Variants in SIT1 observed in about 807,000 individuals in gnomAD.
The protein encoded by SIT1 is signaling threshold regulating transmembrane adaptor 1.
In SIT1, 19 loss-of-function variants were observed where a neutral mutation model predicts 23.5. The ratio of observed to expected loss-of-function variants is 0.81; its 90% confidence interval spans 0.56 to 1.19. SIT1 has a LOEUF of 1.19. Among genes scored for constraint, SIT1 ranks in the 50% most tolerant of loss-of-function variants. SIT1 has a pLI of 0.00. For missense variants in SIT1, 213 were observed against 254.9 expected (o/e 0.84, Z 1.12); for synonymous variants, 114 against 109.1 (o/e 1.04, Z -0.28).
In SIT1 at chr9:35,649,771, T is replaced by A; in HGVS notation, c.*77A>T. The A allele has an allele frequency of 9.0e-7, 1 of 1,114,048 alleles. No individual in the cohort carries two copies. 69.0% of individuals were successfully genotyped at this position (1,114,048 alleles called of 1,614,324 possible). On this transcript the variant is annotated 3_prime_UTR_variant, in exon 5 of 5. Transcript: ENST00000259608. ...CTTGGCAATGGCGCCCGTCTTTGGGTGCTGGTTGGGAAACAGTCATGCCCC... is the reference window on the plus strand; with the variant it reads ...CTTGGCAATGGCGCCCGTCTTTGGGAGCTGGTTGGGAAACAGTCATGCCCC...
At position 35,649,539 on chromosome 9, in the gene SIT1, A is replaced by C. The variant is rs1465812875; in HGVS notation, c.*309T>G. 3.7e-6 allele frequency: 1 copy of C among 269,488 alleles called. No homozygotes were observed. Among genetic ancestry groups the C allele is most frequent in the Admixed American group, 5.2e-5 (1 of 19,404 alleles). 16.7% of individuals were successfully genotyped at this position (269,488 alleles called of 1,614,324 possible). A position where few individuals can be genotyped will look rare whatever the true frequency, so the allele number is the denominator to read the frequency against. On this transcript the variant is annotated 3_prime_UTR_variant, in exon 5 of 5. Transcript: ENST00000259608. ...AGGAGACACTGAGGCGTGGGGGTAG[A>C]CTATGAGGGAGCGGGGGTGGGGAGG...
chr9:35,650,156 C>G lies in SIT1; in HGVS notation c.357+28G>C. 6.2e-7 allele frequency: 1 copy of G among 1,613,772 alleles called. No individual in the cohort carries two copies. The highest frequency in any genetic ancestry group is 1.3e-5 in the African/African-American group (1 of 75,018). ...AAAAGCCCCCCACTTCCTTCCCTCC[C>G]CCTTTTCTCCAGCCACAGTTGACTC... On this transcript the variant is annotated intron_variant, in intron 4 of 4. Coordinates refer to ENST00000259608, the MANE Select transcript of SIT1 (RefSeq NM_014450.3). This position sits in a 1 kb window ranked among gnomAD's most constrained non-coding sequence, Gnocchi z 4.8.
rs368426186 is a variant in SIT1, at chr9:35,649,933, T to C, written c.506A>G (p.Tyr169Cys). Residue 169 changes from tyrosine to cysteine, a missense_variant, in exon 5 of 5, where the codon TAT (tyrosine) becomes TGT (cysteine). Physicochemically the swap from Tyr to Cys is radical, Grantham distance 194. Coordinates refer to ENST00000259608, the MANE Select transcript of SIT1 (RefSeq NM_014450.3). ...GCGGGTCTGGGCACATACTGAGGCA[T>C]AGAGCTCCGGCTCGGGGCCCGAGGC... ...SQASGPEPEL[Y>C]ASVCAQTRRA... 14 of 1,585,938 alleles carry C rather than the reference T, an allele frequency of 8.8e-6. No homozygotes were observed. The highest frequency in any genetic ancestry group is 1.3e-5 in the African/African-American group (1 of 74,676).
rs1183219665 is a variant in SIT1 at position 35,650,702 on chromosome 9, A to C, written c.100+52T>G. ...CCACCCCCAGGGCCCAGCAGGTGGG[A>C]CCTGGGGCCACATGACCCCTCCCCC... On this transcript the variant is annotated intron_variant, in intron 1 of 4. Transcript: ENST00000259608. This position sits in a 1 kb window ranked among gnomAD's most constrained non-coding sequence, Gnocchi z 4.8. The C allele has an allele frequency of 1.2e-6, 2 of 1,603,878 alleles. No individual in the cohort carries two copies. Among genetic ancestry groups the C allele is most frequent in the Non-Finnish European group, 1.7e-6 (2 of 1,172,312 alleles).
In SIT1 at chr9:35,649,859, C is replaced by A. The variant is rs1236498150; in HGVS notation, c.580G>T (p.Ala194Ser). ...CCAGGCCCTCCATCTCAGCTGGCTG[C>A]AGGCTGGCTGTTGGCATAGGCCTGA... ...PDQAYANSQPAAS is the reference protein window; with the variant it reads ...PDQAYANSQPSAS The change falls in exon 5 of 5, where the codon GCA becomes TCA. Residue 194 changes from alanine to serine, a missense_variant. Physicochemically the swap from Ala to Ser is moderately conservative, Grantham distance 99 (BLOSUM62 1). Coordinates refer to ENST00000259608, the MANE Select transcript of SIT1 (RefSeq NM_014450.3). 6.5e-7 allele frequency: 1 copy of A among 1,543,222 alleles called. No individual in the cohort carries two copies. Among genetic ancestry groups the A allele is most frequent in the Non-Finnish European group, 8.8e-7 (1 of 1,139,450 alleles).
chr9:35,650,333 C>A lies in SIT1; in HGVS notation c.295+24G>T, dbSNP rs775279925. 2.7e-5 allele frequency: 43 copies of A among 1,613,732 alleles called. No individual in the cohort carries two copies. Among genetic ancestry groups the A allele is most frequent in the Non-Finnish European group, 3.5e-5 (41 of 1,179,804 alleles). On this transcript the variant is annotated intron_variant, in intron 3 of 4. Transcript: ENST00000259608. The surrounding 1 kb of genome is among the most constrained non-coding windows in gnomAD (Gnocchi z 4.8). ...GCCACCCAGGACCTGGCCTCTGTGC[C>A]CCTCCTCTCTGCCAGCTCCCTACCT...
chr9:35,649,528 C>T lies in SIT1; in HGVS notation c.*320G>A, dbSNP rs1823438713. ...TCCTGTGCCTGAGGAGACACTGAGGCGTGGGGGTAGACTATGAGGGAGCGG... is the reference window on the plus strand; with the variant it reads ...TCCTGTGCCTGAGGAGACACTGAGGTGTGGGGGTAGACTATGAGGGAGCGG... On this transcript the variant is annotated 3_prime_UTR_variant, in exon 5 of 5. Transcript: ENST00000259608. 2 of 241,718 alleles carry T rather than the reference C, an allele frequency of 8.3e-6. No individual in the cohort carries two copies. Among genetic ancestry groups the T allele is most frequent in the Non-Finnish European group, 1.6e-5 (2 of 125,938 alleles). The allele number at this position is 241,718 out of a possible 1,614,324, so 15.0% of individuals were successfully genotyped here. A position where few individuals can be genotyped will look rare whatever the true frequency, so the allele number is the denominator to read the frequency against.
At position 35,650,304 on chromosome 9, in the gene SIT1, C is replaced by G. The variant is rs1371569726; in HGVS notation, c.295+53G>C. 8 of 1,611,992 alleles carry G rather than the reference C, an allele frequency of 5.0e-6. No homozygotes were observed. The highest frequency in any genetic ancestry group is 6.8e-6 in the Non-Finnish European group (8 of 1,178,436). On this transcript the variant is annotated intron_variant, in intron 3 of 4. Transcript: ENST00000259608. This position sits in a 1 kb window ranked among gnomAD's most constrained non-coding sequence, Gnocchi z 4.8. Reference sequence around the variant, plus strand: ...TGTCCTTCCTCCTGCACGCCCCCATCCCAGCCACCCAGGACCTGGCCTCTG... The same window carrying G: ...TGTCCTTCCTCCTGCACGCCCCCATGCCAGCCACCCAGGACCTGGCCTCTG...
At position 35,649,474 on chromosome 9, in the gene SIT1, A is replaced by T. The variant is rs1447788732; in HGVS notation, c.*374T>A. On this transcript the variant is annotated 3_prime_UTR_variant, in exon 5 of 5. Coordinates refer to ENST00000259608, the MANE Select transcript of SIT1 (RefSeq NM_014450.3). ...GGAATATACCCACCCACCCACTGTC[A>T]GGCCCTTACCCCTCCCCCACCGCCC... 2 of 184,548 alleles carry T rather than the reference A, an allele frequency of 1.1e-5. No homozygotes were observed. The highest frequency in any genetic ancestry group is 4.7e-5 in the African/African-American group (2 of 42,462). 11.4% of individuals were successfully genotyped at this position (184,548 alleles called of 1,614,324 possible).
In SIT1 at chr9:35,650,351, C is replaced by T. The variant is rs1322063311; in HGVS notation, c.295+6G>A. On this transcript the variant is annotated splice_donor_region_variant and intron_variant, in intron 3 of 4. Coordinates refer to ENST00000259608, the MANE Select transcript of SIT1 (RefSeq NM_014450.3). This position sits in a 1 kb window ranked among gnomAD's most constrained non-coding sequence, Gnocchi z 4.8. ...TCTGTGCCCCTCCTCTCTGCCAGCTCCCTACCTGTCTGTAGATAATGCAGG... is the reference window on the plus strand; with the variant it reads ...TCTGTGCCCCTCCTCTCTGCCAGCTTCCTACCTGTCTGTAGATAATGCAGG... 1 of 1,614,008 alleles carries T rather than the reference C, an allele frequency of 6.2e-7. No homozygotes were observed. The highest frequency in any genetic ancestry group is 8.5e-7 in the Non-Finnish European group (1 of 1,179,996).
chr9:35,649,591 G>A lies in SIT1; in HGVS notation c.*257C>T. 5.0e-6 allele frequency: 2 copies of A among 397,844 alleles called. No individual in the cohort carries two copies. The highest frequency in any genetic ancestry group is 4.5e-6 in the Non-Finnish European group (1 of 222,632). 24.6% of individuals were successfully genotyped at this position (397,844 alleles called of 1,614,324 possible). The stretch of plus-strand genomic sequence containing the variant: ...TCTGGTTAAACTCCAGAAGAAGGAA[G>A]TGAGAACCTGGGAGTTTGGGGGCTA... On this transcript the variant is annotated 3_prime_UTR_variant, in exon 5 of 5. Transcript: ENST00000259608.
chr9:35,650,332 C>G lies in SIT1; in HGVS notation c.295+25G>C. 1 of 1,613,588 alleles carries G rather than the reference C, an allele frequency of 6.2e-7. No homozygotes were observed. ...AGCCACCCAGGACCTGGCCTCTGTG[C>G]CCCTCCTCTCTGCCAGCTCCCTACC... On this transcript the variant is annotated intron_variant, in intron 3 of 4. Transcript: ENST00000259608. The surrounding 1 kb of genome is among the most constrained non-coding windows in gnomAD (Gnocchi z 4.8).
Position 35,650,910 on chromosome 9 carries a change from G to T in SIT1, c.-57C>A. ...CCATCCCTCCTCAGGCCCGTACCCC[G>T]CAGCTCAGCATCCCCAATACTGGTG... On this transcript the variant is annotated 5_prime_UTR_variant, in exon 1 of 5. It introduces an in-frame stop codon into an upstream open reading frame of the 5' UTR. Transcript: ENST00000259608. This position sits in a 1 kb window ranked among gnomAD's most constrained non-coding sequence, Gnocchi z 4.8. 7.8e-7 allele frequency: 1 copy of T among 1,289,590 alleles called. No homozygotes were observed. The allele number at this position is 1,289,590 out of a possible 1,614,324, so 79.9% of individuals were successfully genotyped here.
rs779551406 is a variant in SIT1 at position 35,650,455 on chromosome 9, G to A, written c.237-40C>T. ...TTAGGGGATGAGTGGGGACTTCTCG[G>A]TAAGAGAGAACTCTCAGTCAACCCA... On this transcript the variant is annotated intron_variant, in intron 2 of 4. Coordinates refer to ENST00000259608, the MANE Select transcript of SIT1 (RefSeq NM_014450.3). The surrounding 1 kb of genome is among the most constrained non-coding windows in gnomAD (Gnocchi z 4.8). 14 of 1,614,002 alleles carry A rather than the reference G, an allele frequency of 8.7e-6. No homozygotes were observed. The East Asian group carries it at 3.1e-4, about 36-fold the overall frequency.
At position 35,650,641 on chromosome 9, in the gene SIT1, T is replaced by C; in HGVS notation, c.101-4A>G. On this transcript the variant is annotated splice_region_variant and splice_polypyrimidine_tract_variant and intron_variant, in intron 1 of 4. Coordinates refer to ENST00000259608, the MANE Select transcript of SIT1 (RefSeq NM_014450.3). This position sits in a 1 kb window ranked among gnomAD's most constrained non-coding sequence, Gnocchi z 4.8. ...GCCTGGGTTATGGAGGGGATTCCTG[T>C]GGATGTGAAAGGAAGGGGGGTGTAA... is the stretch of plus-strand genomic sequence containing the variant. 6.2e-7 allele frequency: 1 copy of C among 1,613,406 alleles called. No individual in the cohort carries two copies. The highest frequency in any genetic ancestry group is 8.5e-7 in the Non-Finnish European group (1 of 1,179,876).
chr9:35,650,630 G>A lies in SIT1; in HGVS notation c.108C>T (p.Pro36=), dbSNP rs764482760. ...ACAGTCCCCAGGCCTGGGTTATGGA[G>A]GGGATTCCTGTGGATGTGAAAGGAA... ...NCTDLLALGI[P]SITQAWGLWV... Residue 36 remains proline, a synonymous_variant, in exon 2 of 5, where the codon CCC becomes CCT. Coordinates refer to ENST00000259608, the MANE Select transcript of SIT1 (RefSeq NM_014450.3). This position sits in a 1 kb window ranked among gnomAD's most constrained non-coding sequence, Gnocchi z 4.8. 1 of 1,613,534 alleles carries A rather than the reference G, an allele frequency of 6.2e-7. No homozygotes were observed. Among genetic ancestry groups the A allele is most frequent in the African/African-American group, 1.3e-5 (1 of 74,888 alleles).
Position 35,650,818 on chromosome 9 carries a change from G to A in SIT1, c.36C>T (p.Cys12=), listed in dbSNP as rs1823463837. ...TGGCTGCAGATGTGAGAGTCCACAA[G>A]CACACTGCTCTGAGCCGAGGGTCAG... ...NQADPRLRAV[C]LWTLTSAAMS... Residue 12 remains cysteine, a synonymous_variant, in exon 1 of 5, where the codon TGC becomes TGT. Coordinates refer to ENST00000259608, the MANE Select transcript of SIT1 (RefSeq NM_014450.3). The surrounding 1 kb of genome is among the most constrained non-coding windows in gnomAD (Gnocchi z 4.8). 9.3e-6 allele frequency: 15 copies of A among 1,613,294 alleles called. No homozygotes were observed. The highest frequency in any genetic ancestry group is 1.2e-5 in the Non-Finnish European group (14 of 1,179,656).
chr9:35,650,324 C>A lies in SIT1; in HGVS notation c.295+33G>T. On this transcript the variant is annotated intron_variant, in intron 3 of 4. Coordinates refer to ENST00000259608, the MANE Select transcript of SIT1 (RefSeq NM_014450.3). This position sits in a 1 kb window ranked among gnomAD's most constrained non-coding sequence, Gnocchi z 4.8. Reference sequence around the variant, plus strand: ...CCCATCCCAGCCACCCAGGACCTGGCCTCTGTGCCCCTCCTCTCTGCCAGC... The same window carrying A: ...CCCATCCCAGCCACCCAGGACCTGGACTCTGTGCCCCTCCTCTCTGCCAGC... 6.2e-7 allele frequency: 1 copy of A among 1,613,408 alleles called. No individual in the cohort carries two copies. The highest frequency in any genetic ancestry group is 8.5e-7 in the Non-Finnish European group (1 of 1,179,452).
rs1823460758 is a variant in SIT1 at position 35,650,717 on chromosome 9, AC to A, written c.100+36del. The A allele has an allele frequency of 1.2e-6, 2 of 1,606,490 alleles. No individual in the cohort carries two copies. The highest frequency in any genetic ancestry group is 2.7e-5 in the African/African-American group (2 of 74,154). On this transcript the variant is annotated intron_variant, in intron 1 of 4. Transcript: ENST00000259608. The surrounding 1 kb of genome is among the most constrained non-coding windows in gnomAD (Gnocchi z 4.8). The stretch of plus-strand genomic sequence containing the variant: ...AGCAGGTGGGACCTGGGGCCACATG[AC>A]CCCTCCCCCACCAGCCCCTGCCCTG...
Sources: gnomAD v4.1 joint callset for allele counts on GRCh38, gnomAD v4.1.1 for gene constraint, Gnocchi (gnomAD v3.1) non-coding constraint, MANE v1.5 for transcripts, NCBI Gene and HGNC (gene_info 2026-07-23, HGNC 2026-07-21) for gene names.